HTT-AS: variants seen among roughly 807,000 people sequenced by gnomAD.
HTT-AS encodes the protein HTT antisense RNA.
chr4:3,053,441 G>C (rs1037740777), intron 2 of HTT-AS, among the ~76,000 whole-genome samples: 27 of 152,136 alleles, frequency 1.8e-4, no homozygotes, highest in Non-Finnish European at 3.5e-4. Context: ...GCTGAGGCAG[G>C]AGAATCACTT....
At chr4:3,069,443 A>G (rs1712121667) in intron 1 of HTT-AS, among the ~76,000 whole-genome samples, 1 of 152,100 alleles carries the variant, frequency 6.6e-6, no homozygotes. Flanking sequence ...GGTGTGAGCC[A>G]TCGCGCCCGG....
chr4:3,051,652 T>G (rs1229136150), intron 2 of HTT-AS, among the ~76,000 whole-genome samples: 1 of 110,594 alleles, frequency 9.0e-6, no homozygotes, highest in Admixed American at 1.1e-4. Context: ...GTTGAATGAA[T>G]TAAAAAAAAA....
intron 2 of HTT-AS, among the ~76,000 whole-genome samples, chr4:3,060,565 G>A (rs1002589067): frequency 6.6e-6 from 1 of 152,178 alleles, no homozygotes; most frequent in Non-Finnish European, 1.5e-5. Flanking sequence ...AAAGTCCTCG[G>A]TAAGGTTTTC....
chr4:3,057,782 C>G (rs565958214), intron 2 of HTT-AS, among the ~76,000 whole-genome samples: 1 of 151,700 alleles, frequency 6.6e-6, no homozygotes, highest in African/African-American at 2.4e-5. Context: ...TATAGGCGCC[C>G]GCCTGTAATT....
At chr4:3,052,251 C>G (rs1711717358) in intron 2 of HTT-AS, among the ~76,000 whole-genome samples, 1 of 152,158 alleles carries the variant, frequency 6.6e-6, no homozygotes, top group African/African-American at 2.4e-5. Context: ...TCTCAGAGCA[C>G]CTGGGAGGTT....
chr4:3,071,602 T>G (rs888842256), intron 1 of HTT-AS, among the ~76,000 whole-genome samples: 1 of 152,146 alleles, frequency 6.6e-6, no homozygotes, highest in African/African-American at 2.4e-5. Context: ...AGGGTGCAAC[T>G]CTATTACTTA....
At chr4:3,066,493 G>T (rs920709741) in intron 1 of HTT-AS, among the ~76,000 whole-genome samples, 4 of 152,118 alleles carry the variant, frequency 2.6e-5, no homozygotes, top group Admixed American at 6.5e-5. Context: ...GAGCATAGGG[G>T]ACTAAAAATG....
chr4:3,062,931 T>G lies in HTT-AS; in HGVS notation n.883A>C, dbSNP rs574012097. ...GTAAGGAAACAAGTGGGCTTTAGAG[T>G]TCTTGCTCAGGAAAGACCTATGTCC... On this transcript the variant is annotated non_coding_transcript_exon_variant, in exon 2 of 3. Transcript: ENST00000664062. Among the ~76,000 whole-genome samples, 3 of 152,070 alleles carry G rather than the reference T, an allele frequency of 2.0e-5. No individual in the cohort carries two copies. In the East Asian group the frequency reaches 5.8e-4, roughly 29 times the overall value.
intron 1 of HTT-AS, among the ~76,000 whole-genome samples, chr4:3,064,226 G>T (rs112370285): frequency 0.025 from 3,788 of 151,632 alleles, 59 homozygotes; most frequent in Middle Eastern, 0.086. Context: ...CTCCTGAGCA[G>T]TTGGGACTAC....
rs1271770523 is a variant in HTT-AS at position 3,072,208 on chromosome 4, A to ATCTCACGT, written n.113+2210_113+2217dup. Among the ~76,000 whole-genome samples the ATCTCACGT allele has an allele frequency of 3.3e-5, 5 of 152,178 alleles. No individual in the cohort carries two copies. In the East Asian group the frequency reaches 9.6e-4, roughly 29 times the overall value. ...TCAGCCGGGGAAGGGTCCCTTTCCAATCTCACGTGGTGTTGGCAGGATCCA... is the reference window on the plus strand; with the variant it reads ...TCAGCCGGGGAAGGGTCCCTTTCCAATCTCACGTTCTCACGTGGTGTTGGCAGGATCCA... On this transcript the variant is annotated intron_variant and non_coding_transcript_variant, in intron 1 of 2. Coordinates refer to ENST00000664062, the Ensembl canonical transcript of HTT-AS.
At chr4:3,065,407 A>AT (rs113227230) in intron 1 of HTT-AS, among the ~76,000 whole-genome samples, 4,309 of 151,110 alleles carry the variant, frequency 0.029, 186 homozygotes, top group African/African-American at 0.094. Context: ...TGCCCGGCTA[A>AT]TTTTTTTTTG....
At chr4:3,053,722 A>G (rs1272005228) in intron 2 of HTT-AS, among the ~76,000 whole-genome samples, 4 of 151,960 alleles carry the variant, frequency 2.6e-5, no homozygotes, top group African/African-American at 9.7e-5. Context: ...CATTTGGCCT[A>G]AATTAGGCAG....
At chr4:3,060,201 T>C (rs1711899514) in intron 2 of HTT-AS, among the ~76,000 whole-genome samples, 1 of 152,210 alleles carries the variant, frequency 6.6e-6, no homozygotes, top group Admixed American at 6.5e-5. Flanking sequence ...TAGGAGGTCA[T>C]AGCAATTTTA....
Position 3,066,448 on chromosome 4 carries a change from G to A in HTT-AS, n.114-2748C>T, listed in dbSNP as rs189139228. Among the ~76,000 whole-genome samples the A allele has an allele frequency of 1.4e-3, 219 of 152,254 alleles. 1 individual carries two copies. The highest frequency in any genetic ancestry group is 4.7e-3 in the African/African-American group (196 of 41,554). The stretch of plus-strand genomic sequence containing the variant: ...CTCCCAAAGTGCTGGGATTATAGGC[G>A]TGACCCACCGTGCCCCGTCTGAGCT... On this transcript the variant is annotated intron_variant and non_coding_transcript_variant, in intron 1 of 2. Transcript: ENST00000664062.
At chr4:3,060,990 C>T (rs1711916271) in intron 2 of HTT-AS, among the ~76,000 whole-genome samples, 1 of 152,214 alleles carries the variant, frequency 6.6e-6, no homozygotes, top group South Asian at 2.1e-4. Flanking sequence ...TGGGGCACCC[C>T]TCTCTCTCTA....
intron 1 of HTT-AS, among the ~76,000 whole-genome samples, chr4:3,068,718 G>T (rs1042620156): frequency 6.7e-6 from 1 of 148,306 alleles, no homozygotes; most frequent in Non-Finnish European, 1.5e-5. Flanking sequence ...GAAATGGCAC[G>T]GTCTCGGCTC....
At chr4:3,047,077 C>T (rs369383103), downstream of HTT-AS, among the ~76,000 whole-genome samples, 39 of 152,258 alleles carry the variant, frequency 2.6e-4, 1 homozygote, top group East Asian at 3.9e-4. Flanking sequence ...TTTGGGAGGC[C>T]GAGGTGGGCA....
At chr4:3,048,443 A>G (rs1711642160), downstream of HTT-AS, among the ~76,000 whole-genome samples, 1 of 152,060 alleles carries the variant, frequency 6.6e-6, no homozygotes, top group Non-Finnish European at 1.5e-5. Flanking sequence ...CACCAGGGAG[A>G]CTATTATTAT....
chr4:3,047,971 G>A (rs1253842288), downstream of HTT-AS, among the ~76,000 whole-genome samples: 1 of 152,320 alleles, frequency 6.6e-6, no homozygotes, highest in East Asian at 1.9e-4. Context: ...CGGTGGACAC[G>A]TGACTTGCGT....
Sources: gnomAD v4.1 joint callset for allele counts (sites outside exome capture counted in the v4.1 genomes callset) on GRCh38, gnomAD v4.1.1 for gene constraint, MANE v1.5 for transcripts, NCBI Gene and HGNC (gene_info 2026-07-23, HGNC 2026-07-21) for gene names.